Variants in PCDHGA9 observed in about 807,000 individuals in gnomAD.
PCDHGA9 encodes the protein protocadherin gamma-A9.
Under a neutral mutation model 62.5 loss-of-function variants are expected in PCDHGA9, and 37 were observed. The observed-to-expected ratio is 0.59, with a 90% confidence interval of 0.46 to 0.78. The LOEUF (loss-of-function observed/expected upper bound fraction) is 0.78. PCDHGA9 is among the 30% of genes least tolerant of loss of function. The probability of loss-of-function intolerance (pLI) is 0.00; values close to 1 mark genes in which losing one functional copy is unlikely to be tolerated. For missense variants in PCDHGA9, 1,138 were observed against 1,166.2 expected (o/e 0.98, Z 0.35); for synonymous variants, 459 against 484.6 (o/e 0.95, Z 0.69).
In PCDHGA9 at chr5:141,415,612, G is replaced by A. The variant is rs745660439; in HGVS notation, c.2424+10236G>A. 12 of 1,612,854 alleles carry A rather than the reference G, an allele frequency of 7.4e-6. No homozygotes were observed. The South Asian group carries it at 1.2e-4, about 16-fold the overall frequency. ...TATAGAGGATACCCCATTGGTTCCA[G>A]TGAGTTTTATTTTCATTTTTACTTT... On this transcript the variant is annotated intron_variant, in intron 1 of 3. Transcript: ENST00000573521.
At chr5:141,478,088 A>G (rs2099429877) in intron 1 of PCDHGA9, 2 of 1,613,944 alleles carry the variant, frequency 1.2e-6, no homozygotes, top group African/African-American at 1.3e-5. Context: ...TTCGCTCTCC[A>G]CCACTGCTAC....
intron 1 of PCDHGA9, chr5:141,408,979 C>A (rs1331121466): frequency 6.2e-7 from 1 of 1,613,862 alleles, no homozygotes; most frequent in East Asian, 2.2e-5. Flanking sequence ...CCCCTGGGTC[C>A]CCTGTGTTGC....
Position 141,413,476 on chromosome 5 carries a change from G to T in PCDHGA9, c.2424+8100G>T, listed in dbSNP as rs566734719. 2.1e-5 allele frequency: 34 copies of T among 1,614,004 alleles called. No homozygotes were observed. The South Asian group carries it at 3.7e-4, about 18-fold the overall frequency. ...CAGGATAGACCGGGAGGAGCTCTGC[G>T]CTCAGAGCGCGCGGTGCGTGGTGAG... On this transcript the variant is annotated intron_variant, in intron 1 of 3. Coordinates refer to ENST00000573521, the MANE Select transcript of PCDHGA9 (RefSeq NM_018921.3).
In PCDHGA9 at chr5:141,413,117, C is replaced by G. The variant is rs902301902; in HGVS notation, c.2424+7741C>G. 1.9e-5 allele frequency: 29 copies of G among 1,509,004 alleles called. No homozygotes were observed. In the African/African-American group the frequency reaches 4.1e-4, roughly 21 times the overall value. The allele number at this position is 1,509,004 out of a possible 1,614,324, so 93.5% of individuals were successfully genotyped here. ...TGAAGCCACAGAAAGACAAAGGAAC[C>G]GGTTGAAACACACAACGTGTCCAGT... On this transcript the variant is annotated intron_variant, in intron 1 of 3. Transcript: ENST00000573521.
chr5:141,443,216 C>T (rs758242896), intron 1 of PCDHGA9, among the ~76,000 whole-genome samples: 3 of 151,908 alleles, frequency 2.0e-5, no homozygotes, highest in South Asian at 2.1e-4. Context: ...TCTCGCCAGG[C>T]GCATCTATAA....
At chr5:141,409,050 G>C (rs371257178) in intron 1 of PCDHGA9, 1 of 1,613,988 alleles carries the variant, frequency 6.2e-7, no homozygotes. Context: ...TACTTCCGAA[G>C]CACTGCCCAG....
rs747671382 is a variant in PCDHGA9, at chr5:141,444,152, A to ATTTT, written c.2424+38809_2424+38812dup. Among the ~76,000 whole-genome samples the ATTTT allele has an allele frequency of 5.0e-4, 17 of 33,898 alleles. 5 individuals carry two copies. Among genetic ancestry groups the ATTTT allele is most frequent in the African/African-American group, 7.0e-4 (5 of 7,184 alleles). 22.2% of individuals were successfully genotyped at this position (33,898 alleles called of 152,430 possible). ...GATATGTGTCACTTGTGTGTACTGG[A>ATTTT]TTTTTTTTTTTTTTTTTTTTTTTTT... On this transcript the variant is annotated intron_variant, in intron 1 of 3. Transcript: ENST00000573521.
In PCDHGA9 at chr5:141,431,775, A is replaced by T; in HGVS notation, c.2424+26399A>T. 6.2e-7 allele frequency: 1 copy of T among 1,614,204 alleles called. No homozygotes were observed. Among genetic ancestry groups the T allele is most frequent in the Non-Finnish European group, 8.5e-7 (1 of 1,180,024 alleles). ...GCCAAAGTCCTGATCACTGTTCTGG[A>T]CGTGAACGACAATGCCCCAGAAGTG... On this transcript the variant is annotated intron_variant, in intron 1 of 3. Transcript: ENST00000573521. This position sits in a 1 kb window ranked among gnomAD's most constrained non-coding sequence, Gnocchi z 4.8.
intron 1 of PCDHGA9, among the ~76,000 whole-genome samples, chr5:141,465,443 C>T (rs979024871): frequency 6.6e-6 from 1 of 152,158 alleles, no homozygotes; most frequent in Non-Finnish European, 1.5e-5. Flanking sequence ...AATGATTACC[C>T]AAGAAAACTC....
intron 3 of PCDHGA9, among the ~76,000 whole-genome samples, chr5:141,510,741 C>A (rs11953770): frequency 1.3e-5 from 2 of 152,138 alleles, no homozygotes; most frequent in Non-Finnish European, 1.5e-5. Context: ...GGAATCAAAC[C>A]TAGACTTTCT....
rs2099697431 is a variant in PCDHGA9 at position 141,490,222 on chromosome 5, C to T, written c.2425-4585C>T. The T allele has an allele frequency of 6.2e-7, 1 of 1,614,094 alleles. No homozygotes were observed. Among genetic ancestry groups the T allele is most frequent in the African/African-American group, 1.3e-5 (1 of 74,934 alleles). On this transcript the variant is annotated intron_variant, in intron 1 of 3. Coordinates refer to ENST00000573521, the MANE Select transcript of PCDHGA9 (RefSeq NM_018921.3). This position sits in a 1 kb window ranked among gnomAD's most constrained non-coding sequence, Gnocchi z 5.4. The stretch of plus-strand genomic sequence containing the variant: ...TGCAAGAGCCCGTGACCAGGGACAG[C>T]CTGCCATGGAGGGCCACTGTGTGAT...
intron 1 of PCDHGA9, chr5:141,407,908 G>C (rs1431775491): frequency 2.4e-6 from 1 of 420,166 alleles, no homozygotes; most frequent in Non-Finnish European, 4.2e-6. Flanking sequence ...ATGAAAAACC[G>C]GGCTGCTGTC....
chr5:141,431,114 G>T lies in PCDHGA9; in HGVS notation c.2424+25738G>T. On this transcript the variant is annotated intron_variant, in intron 1 of 3. Coordinates refer to ENST00000573521, the MANE Select transcript of PCDHGA9 (RefSeq NM_018921.3). This position sits in a 1 kb window ranked among gnomAD's most constrained non-coding sequence, Gnocchi z 4.8. The stretch of plus-strand genomic sequence containing the variant: ...GGAGGATAAAGTGAAAATATATGGA[G>T]TAGAAGTAGAAGTAAGGGACATTAA... 6.2e-7 allele frequency: 1 copy of T among 1,614,158 alleles called. No individual in the cohort carries two copies.
At chr5:141,414,283 G>T in intron 1 of PCDHGA9, 1 of 1,613,520 alleles carries the variant, frequency 6.2e-7, no homozygotes, top group Non-Finnish European at 8.5e-7. Flanking sequence ...GGGAACAGTC[G>T]TAGCCCTTTT....
At chr5:141,506,241 G>C (rs2237081) in intron 3 of PCDHGA9, among the ~76,000 whole-genome samples, 78,081 of 151,504 alleles carry the variant, frequency 0.52, 20,775 homozygotes, top group African/African-American at 0.63. Context: ...ATGAGGTCAG[G>C]AGTTCGAAAC....
intron 1 of PCDHGA9, chr5:141,410,115 C>G (rs1361621262): frequency 6.2e-7 from 1 of 1,612,624 alleles, no homozygotes; most frequent in African/African-American, 1.3e-5. Flanking sequence ...AGGGACGCAG[C>G]CCGCCAGCGC....
In PCDHGA9 at chr5:141,488,566, A is replaced by T. The variant is rs1354931497; in HGVS notation, c.2425-6241A>T. On this transcript the variant is annotated intron_variant, in intron 1 of 3. Coordinates refer to ENST00000573521, the MANE Select transcript of PCDHGA9 (RefSeq NM_018921.3). ...TGTCAGCTGACATTGAGATTTCCGC[A>T]AAGCATTGCTGGAGAGTCAGGGCAA... 5.9e-5 allele frequency among the ~76,000 whole-genome samples: 9 copies of T among 152,324 alleles called. No individual in the cohort carries two copies. In the East Asian group the frequency reaches 1.5e-3, roughly 26 times the overall value.
chr5:141,404,758 T>C lies in PCDHGA9; in HGVS notation c.1806T>C (p.Ala602=). The change falls in exon 1 of 4, where the codon GCT becomes GCC. Residue 602 remains alanine, a synonymous_variant. Transcript: ENST00000573521. ...VAVDRDSGQN[A]WLSYRLFKAS... ...TGGACAGAGACTCAGGCCAGAATGCTTGGCTCTCCTACCGCCTATTCAAGG... is the reference window on the plus strand; with the variant it reads ...TGGACAGAGACTCAGGCCAGAATGCCTGGCTCTCCTACCGCCTATTCAAGG... The C allele has an allele frequency of 6.2e-7, 1 of 1,613,742 alleles. No homozygotes were observed. Among genetic ancestry groups the C allele is most frequent in the Non-Finnish European group, 8.5e-7 (1 of 1,179,990 alleles).
intron 1 of PCDHGA9, chr5:141,415,172 T>G (rs770772038): frequency 1.2e-6 from 2 of 1,613,882 alleles, no homozygotes; most frequent in Non-Finnish European, 1.7e-6. Context: ...ACGCTCACCG[T>G]GGCCGTGGCC....
Sources: gnomAD v4.1 joint callset for allele counts (sites outside exome capture counted in the v4.1 genomes callset) on GRCh38, gnomAD v4.1.1 for gene constraint, Gnocchi (gnomAD v3.1) non-coding constraint, MANE v1.5 for transcripts, NCBI Gene and HGNC (gene_info 2026-07-23, HGNC 2026-07-21) for gene names.